The following CNPY4 variants were observed in gnomAD, a reference collection of about 807,000 sequenced individuals.
CNPY4 encodes the protein protein canopy homolog 4.
Under a neutral mutation model 30.1 loss-of-function variants are expected in CNPY4, and 33 were observed. The ratio of observed to expected loss-of-function variants is 1.10; its 90% CI spans 0.83 to 1.46. CNPY4 has a LOEUF of 1.46. Ranked by LOEUF, CNPY4 falls within the 40% of genes most tolerant of loss-of-function variation. CNPY4 has a pLI of 0.00. For missense variants in CNPY4, 324 were observed against 302.6 expected, an observed-to-expected ratio of 1.07 and a Z score of -0.52; for synonymous variants, 109 against 110.1, an observed-to-expected ratio of 0.99 and a Z score of 0.06.
Position 100,125,355 on chromosome 7 carries a change from TG to T in CNPY4, c.*470del, listed in dbSNP as rs1227705786. 1 of 159,320 alleles carries T rather than the reference TG, an allele frequency of 6.3e-6. No homozygotes were observed. Among genetic ancestry groups the T allele is most frequent in the Non-Finnish European group, 1.4e-5 (1 of 72,030 alleles). 9.9% of individuals were successfully genotyped at this position (159,320 alleles called of 1,614,324 possible). On this transcript the variant is annotated 3_prime_UTR_variant, in exon 6 of 6. Coordinates refer to ENST00000262932, the MANE Select transcript of CNPY4 (RefSeq NM_152755.2). ...CACACCAGCAAACCGTGAAGGAGAA[TG>T]GGACACTGGGTCATGGCCTGGAGTT...
At position 100,119,956 on chromosome 7, in the gene CNPY4, C is replaced by T. The variant is rs1045522135; in HGVS notation, c.118+94C>T. ...AGCCTGTATTGGGTGGGTCACCCGA[C>T]CTCCTTGAAGGCTTGAGGGAGGTTC... On this transcript the variant is annotated intron_variant, in intron 1 of 5. Coordinates refer to ENST00000262932, the MANE Select transcript of CNPY4 (RefSeq NM_152755.2). 7 of 1,164,956 alleles carry T rather than the reference C, an allele frequency of 6.0e-6. No homozygotes were observed. In the Admixed American group the frequency reaches 8.8e-5, roughly 15 times the overall value. The allele number at this position is 1,164,956 out of a possible 1,614,324, so 72.2% of individuals were successfully genotyped here.
rs1408656696 is a variant in CNPY4, at chr7:100,122,362, G to T, written c.222G>T (p.Lys74Asn). ...AGGTGCTGGATACAGGCAAGAGGAA[G>T]AGACACGTGCCTTACAGCGTTTCGT... ...LGQVLDTGKR[K>N]RHVPYSVSET... Residue 74 changes from lysine (K) to asparagine (N), a missense_variant, in exon 2 of 6, where the codon AAG becomes AAT. Coordinates refer to ENST00000262932, the MANE Select transcript of CNPY4 (RefSeq NM_152755.2). 3 of 1,614,164 alleles carry T rather than the reference G, an allele frequency of 1.9e-6. No homozygotes were observed. Among genetic ancestry groups the T allele is most frequent in the East Asian group, 2.2e-5 (1 of 44,870 alleles).
Position 100,125,233 on chromosome 7 carries a change from C to A in CNPY4, c.*345C>A. The A allele has an allele frequency of 4.1e-6, 1 of 244,006 alleles. No homozygotes were observed. Among genetic ancestry groups the A allele is most frequent in the Non-Finnish European group, 8.0e-6 (1 of 125,050 alleles). 15.1% of individuals were successfully genotyped at this position (244,006 alleles called of 1,614,324 possible). A position where few individuals can be genotyped will look rare whatever the true frequency, so the allele number is the denominator to read the frequency against. Reference sequence around the variant, plus strand: ...GGAGCTGTGGGCTTTGGGGAAGTCACTTAGCTCCTTAAGGTCTGTTTTTAG... The same window carrying A: ...GGAGCTGTGGGCTTTGGGGAAGTCAATTAGCTCCTTAAGGTCTGTTTTTAG... On this transcript the variant is annotated 3_prime_UTR_variant, in exon 6 of 6. Coordinates refer to ENST00000262932, the MANE Select transcript of CNPY4 (RefSeq NM_152755.2).
intron 1 of CNPY4, chr7:100,120,122 A>G (rs966193264): frequency 3.6e-5 from 14 of 390,308 alleles, no homozygotes; most frequent in South Asian, 3.7e-5. Flanking sequence ...ATTGTAGTTC[A>G]GGGACCATCG....
At chr7:100,121,782 G>A (rs1011497186) in intron 1 of CNPY4, among the ~76,000 whole-genome samples, 3 of 151,600 alleles carry the variant, frequency 2.0e-5, no homozygotes, top group Non-Finnish European at 4.4e-5. Flanking sequence ...CGGGCGTGGT[G>A]GCTCACGCCT....
chr7:100,123,017 C>G (rs1569055), intron 4 of CNPY4, 111 bp downstream of exon 4: 1,021,582 of 1,243,410 alleles, frequency 0.82, 420,277 homozygotes, highest in Middle Eastern at 0.91. Context: ...GGGGAAGGGG[C>G]CAGAGTGAGG....
intron 1 of CNPY4, chr7:100,121,110 A>ATTTT (rs1798036782): frequency 9.9e-4 from 28 of 28,394 alleles, no homozygotes; most frequent in Non-Finnish European, 1.7e-3. Context: ...ATATATATAT[A>ATTTT]TATATATTTT....
At chr7:100,121,108 A>ATTTTTTTTTTTTTTTTTTTT (rs1562938218) in intron 1 of CNPY4, 2 of 17,896 alleles carry the variant, frequency 1.1e-4, no homozygotes, top group Non-Finnish European at 2.5e-4. Context: ...ATATATATAT[A>ATTTTTTTTTTTTTTTTTTTT]TATATATATT....
chr7:100,122,186 C>A, intron 1 of CNPY4, 73 bp from the exon 2 acceptor site: 1 of 1,585,142 alleles, frequency 6.3e-7, no homozygotes, highest in South Asian at 1.1e-5. Flanking sequence ...TCTGCTGCCT[C>A]AGGTCATCTG....
Position 100,122,390 on chromosome 7 carries a change from G to A in CNPY4, c.245+5G>A. 2 of 1,614,104 alleles carry A rather than the reference G, an allele frequency of 1.2e-6. No homozygotes were observed. The highest frequency in any genetic ancestry group is 2.7e-5 in the African/African-American group (2 of 75,036). Reference sequence around the variant, plus strand: ...ACACGTGCCTTACAGCGTTTCGTGAGTCCTTCGTGCTCCTCCCCTTTCCAA... The same window carrying A: ...ACACGTGCCTTACAGCGTTTCGTGAATCCTTCGTGCTCCTCCCCTTTCCAA... On this transcript the variant is annotated splice_donor_5th_base_variant and intron_variant, in intron 2 of 5. Coordinates refer to ENST00000262932, the MANE Select transcript of CNPY4 (RefSeq NM_152755.2).
chr7:100,120,099 A>G, intron 1 of CNPY4: 1 of 435,906 alleles, frequency 2.3e-6, no homozygotes, highest in East Asian at 4.3e-5. Context: ...CCGCCCGCCA[A>G]TGGATTGTGG....
rs761949021 is a variant in CNPY4, at chr7:100,119,878, A to T, written c.118+16A>T. 6.3e-7 allele frequency: 1 copy of T among 1,595,510 alleles called. No individual in the cohort carries two copies. Among genetic ancestry groups the T allele is most frequent in the South Asian group, 1.1e-5 (1 of 89,570 alleles). The stretch of plus-strand genomic sequence containing the variant: ...AAATGCGAAGGTATTTGAAGGGGGT[A>T]GCCCCTATAGGCATCGCCCGGCCAC... On this transcript the variant is annotated intron_variant, in intron 1 of 5. Coordinates refer to ENST00000262932, the MANE Select transcript of CNPY4 (RefSeq NM_152755.2).
intron 4 of CNPY4, among the ~76,000 whole-genome samples, chr7:100,123,738 T>C (rs1798133380): frequency 6.6e-6 from 1 of 152,144 alleles, no homozygotes; most frequent in East Asian, 1.9e-4. Flanking sequence ...GCCAGGCTGG[T>C]CGAACTCCTG....
At chr7:100,122,987 G>GCGACCACCGA in intron 4 of CNPY4, 81 bp downstream of exon 4, 1 of 1,458,214 alleles carries the variant, frequency 6.9e-7, no homozygotes, top group East Asian at 2.3e-5. Flanking sequence ...TGACTATAGG[G>GCGACCACCGA]GATGTCTACC....
intron 4 of CNPY4, among the ~76,000 whole-genome samples, chr7:100,124,187 T>C (rs1427577346): frequency 1.3e-5 from 2 of 151,736 alleles, no homozygotes; most frequent in African/African-American, 2.4e-5. Flanking sequence ...CCATCACTTA[T>C]TGAGCACCTA....
rs759957379 is a variant in CNPY4, at chr7:100,122,306, G to A, written c.166G>A (p.Gly56Ser). 1.6e-5 allele frequency: 26 copies of A among 1,599,012 alleles called. No individual in the cohort carries two copies. The highest frequency in any genetic ancestry group is 9.2e-5 in the East Asian group (4 of 43,466). The change falls in exon 2 of 6, where the codon GGT becomes AGT. Residue 56 changes from glycine to serine, a missense_variant. By Grantham distance (56) the Gly-to-Ser change is moderately conservative. Coordinates refer to ENST00000262932, the MANE Select transcript of CNPY4 (RefSeq NM_152755.2). ...GCTACAGGCGGAACTGAGTCGCACCGGTCGATCTCGAGAGGTGCTGGAGCT... is the reference window on the plus strand; with the variant it reads ...GCTACAGGCGGAACTGAGTCGCACCAGTCGATCTCGAGAGGTGCTGGAGCT... The part of the protein sequence containing the change: ...TELQAELSRT[G>S]RSREVLELGQ...
Position 100,124,826 on chromosome 7 carries a change from G to C in CNPY4, c.685G>C (p.Glu229Gln). Residue 229 changes from glutamate to glutamine, a missense_variant, in exon 6 of 6, where the codon GAA (glutamate) becomes CAA (glutamine). Physicochemically the swap from Glu to Gln is conservative, Grantham distance 29. Transcript: ENST00000262932. ...QEEEEEEEEEEGGDKMTKTGS... is the reference protein window; with the variant it reads ...QEEEEEEEEEQGGDKMTKTGS... ...GGAGGAGGAGGAAGAGGAGGAAGAGGAAGGGGGAGACAAGATGACCAAGAC... is the reference window on the plus strand; with the variant it reads ...GGAGGAGGAGGAAGAGGAGGAAGAGCAAGGGGGAGACAAGATGACCAAGAC... 6.2e-7 allele frequency: 1 copy of C among 1,612,810 alleles called. No homozygotes were observed. The highest frequency in any genetic ancestry group is 8.5e-7 in the Non-Finnish European group (1 of 1,179,380).
chr7:100,119,819 G>A lies in CNPY4; in HGVS notation c.75G>A (p.Lys25=), dbSNP rs1554392804. ...ACGAGGCTTGGGCTGGGATGTTGAA[G>A]GAGGAGGACGATGACACAGAACGCT... ...AVHEAWAGML[K]EEDDDTERLP... The change falls in exon 1 of 6, where the codon AAG becomes AAA. Residue 25 remains lysine, a synonymous_variant. Transcript: ENST00000262932. The A allele has an allele frequency of 6.2e-7, 1 of 1,614,082 alleles. No homozygotes were observed.
In CNPY4 at chr7:100,121,851, C is replaced by T. The variant is rs559587783; in HGVS notation, c.119-408C>T. Among the ~76,000 whole-genome samples, 174 of 151,232 alleles carry T rather than the reference C, an allele frequency of 1.2e-3. 2 individuals are homozygous for T. In the South Asian group the frequency reaches 0.03, roughly 26 times the overall value. On this transcript the variant is annotated intron_variant, in intron 1 of 5. Transcript: ENST00000262932. ...GGATCACAAGGTCAGCTGATCGAGA[C>T]CATCCTGGCTAACACGGTGAAACCC...
Sources: gnomAD v4.1 joint callset for allele counts (sites outside exome capture counted in the v4.1 genomes callset) on GRCh38, gnomAD v4.1.1 for gene constraint, MANE v1.5 for transcripts, NCBI Gene and HGNC (gene_info 2026-07-23, HGNC 2026-07-21) for gene names.